The following PSAP variants were observed in gnomAD, a reference collection of about 807,000 sequenced individuals.
The protein encoded by PSAP is precursor of saposins.
PSAP carries 25 observed loss-of-function variants against 66.0 expected under a neutral mutation model. That is an observed-to-expected ratio of 0.38 (90% CI 0.28 to 0.53). PSAP has a LOEUF of 0.53. Among genes scored for constraint, PSAP ranks in the 20% least tolerant of loss-of-function variants. The pLI is 0.83. For missense variants in PSAP, 649 were observed against 668.8 expected (o/e 0.97, Z 0.33); for synonymous variants, 273 against 258.9 (o/e 1.05, Z -0.52).
intron 9 of PSAP, 78 bp from the exon 10 acceptor site, chr10:71,819,978 G>T: frequency 7.7e-7 from 1 of 1,296,028 alleles, no homozygotes; most frequent in Non-Finnish European, 1.1e-6. Flanking sequence ...ATACTAACAT[G>T]GCCAGGAAAT....
intron 12 of PSAP, 148 bp downstream of exon 12, chr10:71,818,883 G>A (rs151080795): frequency 1.3e-5 from 13 of 1,010,986 alleles, no homozygotes; most frequent in African/African-American, 3.2e-5. Flanking sequence ...ATGGGGCTTG[G>A]GGGGCTGGCT....
At chr10:71,820,109 C>T (rs1842268554) in intron 9 of PSAP, 131 bp downstream of exon 9, 2 of 980,166 alleles carry the variant, frequency 2.0e-6, no homozygotes, top group Admixed American at 1.9e-5. Context: ...GATTGCCTTC[C>T]ACGAGATGGG....
At chr10:71,830,966 T>C (rs1407533683) in intron 4 of PSAP, among the ~76,000 whole-genome samples, 160 bp downstream of exon 4, 1 of 152,168 alleles carries the variant, frequency 6.6e-6, no homozygotes, top group East Asian at 1.9e-4. Context: ...TGGCCTGCTG[T>C]GCCAAAGGAG....
At chr10:71,838,718 T>C (rs957495945) in intron 1 of PSAP, among the ~76,000 whole-genome samples, 1 of 151,994 alleles carries the variant, frequency 6.6e-6, no homozygotes, top group Non-Finnish European at 1.5e-5. Context: ...CCAGCACCAC[T>C]GCACTCCAGC....
intron 12 of PSAP, 36 bp downstream of exon 12, chr10:71,818,995 C>G (rs372922126): frequency 2.8e-5 from 44 of 1,587,694 alleles, no homozygotes; most frequent in Non-Finnish European, 3.7e-5. Context: ...CAGGTTACAG[C>G]TGCCCGAGAG....
At chr10:71,843,852 A>G (rs1208985764) in intron 1 of PSAP, among the ~76,000 whole-genome samples, 2 of 152,248 alleles carry the variant, frequency 1.3e-5, no homozygotes, top group East Asian at 1.9e-4. Context: ...CAGTGTCCTG[A>G]TATTAATTAC....
At chr10:71,819,209 G>C in intron 11 of PSAP, 98 bp from the exon 12 acceptor site, 1 of 1,181,936 alleles carries the variant, frequency 8.5e-7, no homozygotes, top group South Asian at 1.3e-5. Context: ...TGTTCCCTGA[G>C]AGCTCCTGGC....
intron 5 of PSAP, among the ~76,000 whole-genome samples, chr10:71,828,542 G>A (rs12782637): frequency 0.16 from 24,914 of 152,086 alleles, 2,107 homozygotes; most frequent in East Asian, 0.24. Context: ...CTACTTAGGA[G>A]GCTAAGGTGG....
At chr10:71,842,936 A>G (rs1363911191) in intron 1 of PSAP, among the ~76,000 whole-genome samples, 1 of 152,340 alleles carries the variant, frequency 6.6e-6, no homozygotes, top group South Asian at 2.1e-4. Context: ...ACTAGCCTAC[A>G]CTTCCACAGC....
At chr10:71,823,552 C>T (rs1022212732) in intron 7 of PSAP, among the ~76,000 whole-genome samples, 1 of 152,204 alleles carries the variant, frequency 6.6e-6, no homozygotes, top group Non-Finnish European at 1.5e-5. Context: ...TTGAAGGAGG[C>T]TGAGGCACCT....
intron 1 of PSAP, among the ~76,000 whole-genome samples, chr10:71,848,017 C>A (rs774047033): frequency 2.0e-5 from 3 of 152,228 alleles, no homozygotes; most frequent in Non-Finnish European, 4.4e-5. Flanking sequence ...CCTGCCACAT[C>A]CCAGGCACCA....
chr10:71,823,188 A>G (rs1842338630), intron 7 of PSAP, among the ~76,000 whole-genome samples: 1 of 152,178 alleles, frequency 6.6e-6, no homozygotes, highest in Non-Finnish European at 1.5e-5. Context: ...TAGCAGATGG[A>G]TGCCAACGCT....
chr10:71,826,806 G>A (rs1376337134), intron 6 of PSAP, among the ~76,000 whole-genome samples: 2 of 151,686 alleles, frequency 1.3e-5, no homozygotes, highest in Non-Finnish European at 1.5e-5. Flanking sequence ...AAAAAGCCTC[G>A]CTAGATCCCA....
rs1313523627 is a variant in PSAP, at chr10:71,818,703, C to T, written c.1453G>A (p.Ala485Thr). 6.2e-7 allele frequency: 1 copy of T among 1,613,942 alleles called. No homozygotes were observed. Residue 485 changes from alanine (A) to threonine (T), a missense_variant, in exon 13 of 14, where the codon GCC (alanine) becomes ACC (threonine). Ala to Thr is a moderately conservative substitution (Grantham distance 58). Coordinates refer to ENST00000394936, the MANE Select transcript of PSAP (RefSeq NM_002778.4). ...VCLKIGACPS[A>T]HKPLLGTEKC... ...TCAGTTCCCAACAAGGGCTTATGGG[C>T]CGAGGGGCAGGCTCCAATTTTCTAT... is the stretch of plus-strand genomic sequence containing the variant.
chr10:71,822,783 G>A, intron 7 of PSAP: 1 of 344,648 alleles, frequency 2.9e-6, no homozygotes, highest in Non-Finnish European at 5.9e-6. Flanking sequence ...AAACCCTAAA[G>A]CAGCAGGAAC....
chr10:71,825,902 A>G lies in PSAP; in HGVS notation c.721-9T>C, dbSNP rs1175109637. 4 of 1,611,392 alleles carry G rather than the reference A, an allele frequency of 2.5e-6. No homozygotes were observed. In the Admixed American group the frequency reaches 5.0e-5, roughly 20 times the overall value. ...CTGATATAGTTCTTGCACTGAGGAG[A>G]GAGAAACAGATTGCTAAACAAATCA... On this transcript the variant is annotated splice_polypyrimidine_tract_variant and intron_variant, in intron 6 of 13. Coordinates refer to ENST00000394936, the MANE Select transcript of PSAP (RefSeq NM_002778.4).
chr10:71,818,608 G>C lies in PSAP; in HGVS notation c.1539+9C>G. ...ACAGGCTGGTGACACTGTCTGCTGA[G>C]CTACTCACATTGCACTGGGCTGCTG... On this transcript the variant is annotated intron_variant, in intron 13 of 13. Coordinates refer to ENST00000394936, the MANE Select transcript of PSAP (RefSeq NM_002778.4). 6.2e-7 allele frequency: 1 copy of C among 1,611,148 alleles called. No individual in the cohort carries two copies. The highest frequency in any genetic ancestry group is 8.5e-7 in the Non-Finnish European group (1 of 1,178,134).
At chr10:71,825,179 A>C (rs1842378773) in intron 7 of PSAP, among the ~76,000 whole-genome samples, 1 of 152,204 alleles carries the variant, frequency 6.6e-6, no homozygotes, top group Admixed American at 6.5e-5. Flanking sequence ...CTGGTATGTC[A>C]ATCTCAAGTA....
rs78948606 is a variant in PSAP at position 71,831,654 on chromosome 10, A to G, written c.249+192T>C. On this transcript the variant is annotated intron_variant, in intron 3 of 13. Transcript: ENST00000394936. ...TGTTTACATTCTTTTTACATTTTTA[A>G]AAAGAGACTGTGTGACAGGGACAGT... Among the ~76,000 whole-genome samples, 1,831 of 152,254 alleles carry G rather than the reference A, an allele frequency of 0.012. 11 individuals carry two copies. The highest frequency in any genetic ancestry group is 0.031 in the Middle Eastern group (9 of 294).
Sources: allele counts gnomAD v4.1 joint callset (sites outside exome capture counted in the v4.1 genomes callset), GRCh38; gene constraint gnomAD v4.1.1; transcripts MANE v1.5; gene names NCBI Gene and HGNC (gene_info 2026-07-23, HGNC 2026-07-21).